The following HMCN1 variants were observed in gnomAD, a reference collection of about 807,000 sequenced individuals.
The protein encoded by HMCN1 is hemicentin 1.
Under a neutral mutation model 625.9 loss-of-function variants are expected in HMCN1, and 321 were observed. That is an observed-to-expected ratio of 0.51 (90% CI 0.47 to 0.56). HMCN1 has a LOEUF of 0.56. Ranked by LOEUF, HMCN1 falls within the 20% of genes least tolerant of loss-of-function variation. The probability of loss-of-function intolerance (pLI) is 0.00; values close to 1 mark genes in which losing one functional copy is unlikely to be tolerated. For missense variants in HMCN1, 6,588 were observed against 6,887.3 expected, an observed-to-expected ratio of 0.96 and a Z score of 1.54; for synonymous variants, 2,425 against 2,417.6, an observed-to-expected ratio of 1.00 and a Z score of -0.09.
Position 185,796,418 on chromosome 1 carries a change from C to T in HMCN1, c.269-49608C>T, listed in dbSNP as rs370576695. Among the ~76,000 whole-genome samples the T allele has an allele frequency of 2.0e-5, 3 of 152,168 alleles. No individual in the cohort carries two copies. In the East Asian group the frequency reaches 5.8e-4, roughly 29 times the overall value. On this transcript the variant is annotated intron_variant, in intron 1 of 106. Transcript: ENST00000271588. ...CATTAGGTATTTTCTCATCCCTTAT[C>T]CCTGTTCCACCTTCCCACATTTCTC...
chr1:186,130,143 A>G (rs1661854448), intron 84 of HMCN1, 43 bp downstream of exon 84: 2 of 1,611,380 alleles, frequency 1.2e-6, no homozygotes, highest in Admixed American at 1.7e-5. Flanking sequence ...TGCATTCATA[A>G]TGAATAGTTC....
At chr1:185,935,125 A>C (rs1667745357) in intron 11 of HMCN1, among the ~76,000 whole-genome samples, 1 of 152,190 alleles carries the variant, frequency 6.6e-6, no homozygotes, top group South Asian at 2.1e-4. Context: ...AGATAAAATA[A>C]GTGCTAATGG....
In HMCN1 at chr1:185,968,921, A is replaced by G. The variant is rs182962567; in HGVS notation, c.2213-1414A>G. ...GGAGAATCTATCAAAATGTGATTAAAACAGAAACTTAATTGAACTAGTTTT... is the reference window on the plus strand; with the variant it reads ...GGAGAATCTATCAAAATGTGATTAAGACAGAAACTTAATTGAACTAGTTTT... On this transcript the variant is annotated intron_variant, in intron 14 of 106. Coordinates refer to ENST00000271588, the MANE Select transcript of HMCN1 (RefSeq NM_031935.3). Among the ~76,000 whole-genome samples, 117 of 152,272 alleles carry G rather than the reference A, an allele frequency of 7.7e-4. 1 individual carries two copies. The highest frequency in any genetic ancestry group is 5.8e-4 in the East Asian group (3 of 5,190).
At chr1:185,753,716 AG>A (rs1654956668) in intron 1 of HMCN1, among the ~76,000 whole-genome samples, 1 of 152,220 alleles carries the variant, frequency 6.6e-6, no homozygotes, top group African/African-American at 2.4e-5. Flanking sequence ...GTTTTTAACA[AG>A]AATGAGATAT....
chr1:186,097,065 C>T (rs1253760755), intron 68 of HMCN1, among the ~76,000 whole-genome samples: 1 of 152,056 alleles, frequency 6.6e-6, no homozygotes, highest in Admixed American at 6.6e-5. Flanking sequence ...AAATAAAAGA[C>T]ATCCAAATTC....
intron 5 of HMCN1, among the ~76,000 whole-genome samples, chr1:185,910,132 T>G (rs73062134): frequency 0.072 from 10,945 of 152,228 alleles, 1,350 homozygotes; most frequent in African/African-American, 0.25. Context: ...CATTTTCATT[T>G]AGAAATATTT....
intron 96 of HMCN1, 88 bp downstream of exon 96, chr1:186,152,959 C>A: frequency 6.6e-7 from 1 of 1,511,090 alleles, no homozygotes; most frequent in Non-Finnish European, 9.2e-7. Context: ...AACTTGTTCA[C>A]TCTGTGGGGG....
At chr1:185,942,464 A>ATT (rs1668131684) in intron 11 of HMCN1, among the ~76,000 whole-genome samples, 1 of 152,174 alleles carries the variant, frequency 6.6e-6, no homozygotes, top group Non-Finnish European at 1.5e-5. Flanking sequence ...TGCTGGGAAG[A>ATT]GAGGTCTAAT....
At chr1:186,036,167 A>T (rs535579808) in intron 36 of HMCN1, among the ~76,000 whole-genome samples, 19 of 152,146 alleles carry the variant, frequency 1.2e-4, no homozygotes, top group Non-Finnish European at 2.5e-4. Context: ...CCTTATTGTA[A>T]CATTTTTGTG....
At chr1:185,949,450 T>C (rs1201303709) in intron 11 of HMCN1, among the ~76,000 whole-genome samples, 1 of 151,822 alleles carries the variant, frequency 6.6e-6, no homozygotes, top group Non-Finnish European at 1.5e-5. Flanking sequence ...GTGGTAAAAG[T>C]ATTGTCCAGT....
intron 2 of HMCN1, among the ~76,000 whole-genome samples, chr1:185,850,537 C>T (rs1662097578): frequency 6.6e-6 from 1 of 152,092 alleles, no homozygotes; most frequent in African/African-American, 2.4e-5. Flanking sequence ...CCTGATCCTC[C>T]TTGCTCTGTT....
intron 1 of HMCN1, among the ~76,000 whole-genome samples, chr1:185,787,485 C>T (rs959058702): frequency 4.6e-5 from 7 of 152,160 alleles, no homozygotes; most frequent in Admixed American, 3.9e-4. Context: ...AGTGCAAAAT[C>T]CACACTGCCT....
chr1:186,189,107 C>T (rs1312869424), intron 106 of HMCN1, among the ~76,000 whole-genome samples: 2 of 152,154 alleles, frequency 1.3e-5, no homozygotes, highest in African/African-American at 4.8e-5. Flanking sequence ...TTTTGTTTCA[C>T]CTTTTAAACA....
chr1:185,925,015 T>A (rs1558069318), intron 8 of HMCN1, 32 bp from the exon 9 acceptor site: 1 of 1,562,218 alleles, frequency 6.4e-7, no homozygotes, highest in Non-Finnish European at 8.7e-7. Context: ...CTTGCTTAAG[T>A]TTTTTGTTTT....
At chr1:186,137,712 T>C (rs1266928640) in intron 88 of HMCN1, 44 bp downstream of exon 88, 2 of 1,613,742 alleles carry the variant, frequency 1.2e-6, no homozygotes, top group Non-Finnish European at 8.5e-7. Context: ...TTAATAGACC[T>C]TCATTTCTGT....
Position 186,053,883 on chromosome 1 carries a change from A to G in HMCN1, c.6759A>G (p.Gln2253=), listed in dbSNP as rs757574158. ...TTAGAATTTTATCTGGGGGCAGGCA[A>G]TTACAAATTTCAATTGCTGAAAAGT... The part of the protein sequence containing the change: ...GRVRILSGGR[Q]LQISIAEKSD... Residue 2253 remains glutamine (Q), a synonymous_variant, in exon 44 of 107, where the codon CAA becomes CAG. Transcript: ENST00000271588. The G allele has an allele frequency of 2.5e-6, 4 of 1,612,702 alleles. No individual in the cohort carries two copies. The highest frequency in any genetic ancestry group is 2.2e-5 in the East Asian group (1 of 44,752).
chr1:185,852,028 A>G (rs1398511099), intron 2 of HMCN1, among the ~76,000 whole-genome samples: 3 of 152,032 alleles, frequency 2.0e-5, no homozygotes, highest in Admixed American at 2.0e-4. Context: ...ACATAGCAAC[A>G]TGATAGAGTT....
chr1:185,815,650 A>G (rs1303320116), intron 1 of HMCN1, among the ~76,000 whole-genome samples: 1 of 150,030 alleles, frequency 6.7e-6, no homozygotes, highest in Non-Finnish European at 1.5e-5. Context: ...CAACACTAGC[A>G]GTTTTGGCTG....
At chr1:186,055,357 C>T (rs1342826939) in intron 44 of HMCN1, 36 bp from the exon 45 acceptor site, 2 of 1,600,974 alleles carry the variant, frequency 1.2e-6, no homozygotes, top group African/African-American at 2.7e-5. Flanking sequence ...CAAACATTTC[C>T]TCTTTTGTTT....
Sources: gnomAD v4.1 joint callset for allele counts (sites outside exome capture counted in the v4.1 genomes callset) on GRCh38, gnomAD v4.1.1 for gene constraint, MANE v1.5 for transcripts, NCBI Gene and HGNC (gene_info 2026-07-23, HGNC 2026-07-21) for gene names.